The following TGFB2 variants were observed in gnomAD, a reference collection of about 807,000 sequenced individuals.
TGFB2 encodes transforming growth factor beta 2, also known as transforming growth factor beta-2 proprotein.
TGFB2 carries 13 observed loss-of-function variants against 42.7 expected under a neutral mutation model. That is an observed-to-expected ratio of 0.30 (90% CI 0.20 to 0.48). TGFB2 has a LOEUF of 0.48. Among genes scored for constraint, TGFB2 ranks in the 20% least tolerant of loss-of-function variants. The pLI, the probability that TGFB2 is intolerant of heterozygous loss-of-function variation, is 0.99. For synonymous variants in TGFB2, 193 were observed against 193.6 expected, an observed-to-expected ratio of 1.00 and a Z score of 0.03; for missense variants, 390 against 517.5, an observed-to-expected ratio of 0.75 and a Z score of 2.39.
chr1:218,422,338 C>G (rs1362863689), intron 2 of TGFB2, among the ~76,000 whole-genome samples: 10 of 152,004 alleles, frequency 6.6e-5, no homozygotes, highest in Admixed American at 6.6e-4. Context: ...CTGCCCCAGC[C>G]TTTTGAGTAA....
chr1:218,411,922 C>T (rs1659114173), intron 2 of TGFB2, among the ~76,000 whole-genome samples: 1 of 151,204 alleles, frequency 6.6e-6, no homozygotes, highest in Non-Finnish European at 1.5e-5. Flanking sequence ...TTTTGCCTTA[C>T]TCTATTAATC....
At position 218,412,512 on chromosome 1, in the gene TGFB2, G is replaced by A. The variant is rs574547823; in HGVS notation, c.510+7180G>A. On this transcript the variant is annotated intron_variant, in intron 2 of 6. Transcript: ENST00000366930. ...CGACCTTCCTCGTGTTTCAGTGTGCGTACTCACATCCCAGGATTTGGTGAC... is the reference window on the plus strand; with the variant it reads ...CGACCTTCCTCGTGTTTCAGTGTGCATACTCACATCCCAGGATTTGGTGAC... Among the ~76,000 whole-genome samples, 139 of 152,308 alleles carry A rather than the reference G, an allele frequency of 9.1e-4. 1 individual carries two copies. The highest frequency in any genetic ancestry group is 3.2e-3 in the African/African-American group (134 of 41,560).
At chr1:218,416,565 T>A (rs1659287863) in intron 2 of TGFB2, among the ~76,000 whole-genome samples, 1 of 152,206 alleles carries the variant, frequency 6.6e-6, no homozygotes, top group Admixed American at 6.5e-5. Context: ...GTCATTCAGC[T>A]GATTTTACTG....
chr1:218,388,095 G>T (rs1335457826), intron 1 of TGFB2, among the ~76,000 whole-genome samples: 1 of 152,206 alleles, frequency 6.6e-6, no homozygotes, highest in East Asian at 1.9e-4. Context: ...ATTAGGCATA[G>T]TATATAATTA....
At chr1:218,405,034 TG>T in intron 1 of TGFB2, 134 bp from the exon 2 acceptor site, 1 of 893,622 alleles carries the variant, frequency 1.1e-6, no homozygotes, top group Non-Finnish European at 1.7e-6. Context: ...ACATTGTTAA[TG>T]GTATTAAACT....
chr1:218,348,426 A>G (rs10482726), intron 1 of TGFB2, among the ~76,000 whole-genome samples: 66 of 152,296 alleles, frequency 4.3e-4, no homozygotes, highest in South Asian at 2.1e-3. Flanking sequence ...GTGACCTGCC[A>G]TGTCTTGTAC....
chr1:218,403,314 T>C (rs2102592730), intron 1 of TGFB2, among the ~76,000 whole-genome samples: 1 of 152,300 alleles, frequency 6.6e-6, no homozygotes, highest in East Asian at 1.9e-4. Context: ...GGTGTAGAAA[T>C]TCCCCGCTTC....
intron 1 of TGFB2, among the ~76,000 whole-genome samples, chr1:218,377,411 A>G (rs140125541): frequency 6.6e-6 from 1 of 152,226 alleles, no homozygotes; most frequent in East Asian, 1.9e-4. Context: ...ATTGGAACCC[A>G]GTGCTTTACG....
intron 2 of TGFB2, among the ~76,000 whole-genome samples, chr1:218,429,631 A>C (rs1287056466): frequency 6.6e-6 from 1 of 152,202 alleles, no homozygotes; most frequent in Non-Finnish European, 1.5e-5. Context: ...TTTCTGGATC[A>C]TGGGGTAATT....
intron 1 of TGFB2, among the ~76,000 whole-genome samples, chr1:218,364,169 T>C (rs1657309501): frequency 6.6e-6 from 1 of 152,192 alleles, no homozygotes; most frequent in African/African-American, 2.4e-5. Flanking sequence ...GACCTTTGTA[T>C]TGACATGTCT....
At chr1:218,431,693 G>A (rs1659811452) in intron 2 of TGFB2, among the ~76,000 whole-genome samples, 1 of 152,232 alleles carries the variant, frequency 6.6e-6, no homozygotes, top group South Asian at 2.1e-4. Flanking sequence ...TTGCAGATTA[G>A]CTAGGGGAAG....
chr1:218,419,084 C>T (rs902273785), intron 2 of TGFB2, among the ~76,000 whole-genome samples: 6 of 152,180 alleles, frequency 3.9e-5, no homozygotes, highest in Non-Finnish European at 7.3e-5. Context: ...TAAAGCTCTA[C>T]AGTGGCTTCG....
intron 1 of TGFB2, among the ~76,000 whole-genome samples, chr1:218,360,393 TTA>T (rs1657169998): frequency 6.6e-6 from 1 of 152,366 alleles, no homozygotes; most frequent in African/African-American, 2.4e-5. Flanking sequence ...TGTTTCTATT[TTA>T]TGACTTGTGT....
In TGFB2 at chr1:218,405,260, A is replaced by C. The variant is rs1558248455; in HGVS notation, c.438A>C (p.Lys146Asn). ...AGAAGAATGCTTCCAATTTGGTGAA[A>C]GCAGAGTTCAGAGTCTTTCGTTTGC... Reference protein sequence around the residue: ...AMEKNASNLVKAEFRVFRLQN... With the variant: ...AMEKNASNLVNAEFRVFRLQN... Residue 146 changes from lysine to asparagine, a missense_variant, in exon 2 of 7, where the codon AAA becomes AAC. Physicochemically the swap from Lys to Asn is moderately conservative, Grantham distance 94. Transcript: ENST00000366930. 1 of 1,614,198 alleles carries C rather than the reference A, an allele frequency of 6.2e-7. No individual in the cohort carries two copies. Among genetic ancestry groups the C allele is most frequent in the Non-Finnish European group, 8.5e-7 (1 of 1,180,012 alleles).
At chr1:218,363,264 C>A in intron 1 of TGFB2, 1 of 1,307,504 alleles carries the variant, frequency 7.6e-7, no homozygotes, top group Non-Finnish European at 1.1e-6. Flanking sequence ...TACTTTGAAT[C>A]TTTGTATAGT....
intron 1 of TGFB2, among the ~76,000 whole-genome samples, chr1:218,357,140 A>C (rs1657063134): frequency 6.6e-6 from 1 of 151,386 alleles, no homozygotes; most frequent in African/African-American, 2.4e-5. Context: ...CGAACCCGGG[A>C]GGCAGAGGTT....
At chr1:218,365,956 C>T (rs765454339) in intron 1 of TGFB2, among the ~76,000 whole-genome samples, 6 of 152,310 alleles carry the variant, frequency 3.9e-5, no homozygotes, top group Middle Eastern at 3.4e-3. Flanking sequence ...TTGATAACGA[C>T]GTGTTCTGAC....
chr1:218,406,304 A>G (rs1376000097), intron 2 of TGFB2, among the ~76,000 whole-genome samples: 1 of 151,778 alleles, frequency 6.6e-6, no homozygotes, highest in Non-Finnish European at 1.5e-5. Context: ...GTCAAAATGT[A>G]ATGATGATGA....
chr1:218,366,110 T>C (rs1228246914), intron 1 of TGFB2, among the ~76,000 whole-genome samples: 1 of 152,130 alleles, frequency 6.6e-6, no homozygotes, highest in Non-Finnish European at 1.5e-5. Flanking sequence ...ATAATATTGG[T>C]TAAGATGTGG....
Sources: gnomAD v4.1 joint callset for allele counts (sites outside exome capture counted in the v4.1 genomes callset) on GRCh38, gnomAD v4.1.1 for gene constraint, MANE v1.5 for transcripts, NCBI Gene and HGNC (gene_info 2026-07-23, HGNC 2026-07-21) for gene names.